Variants in SH3BGRL2 observed in about 807,000 individuals in gnomAD.
The protein encoded by SH3BGRL2 is SH3 domain binding glutamate rich protein like 2, also known as SH3 domain-binding glutamic acid-rich-like protein 2.
SH3BGRL2 carries 21 observed loss-of-function variants against 14.8 expected under a neutral mutation model. That is an observed-to-expected ratio of 1.42 (90% confidence interval 1.01 to 2.05). The LOEUF is 2.05. Ranked by LOEUF, SH3BGRL2 falls within the 30% of genes most tolerant of loss-of-function variation. SH3BGRL2 has a pLI of 0.00. For missense variants in SH3BGRL2, 147 were observed against 130.8 expected (o/e 1.12, Z -0.61); for synonymous variants, 50 against 47.8 (o/e 1.05, Z -0.19).
chr6:79,598,675 A>G, the SH3BGRL2 span, among the ~76,000 whole-genome samples: 1 of 152,162 alleles, frequency 6.6e-6, no homozygotes, highest in African/African-American at 2.4e-5. Context: ...ATTGTTTGTG[A>G]TGGTTGCACA....
chr6:79,631,544 G>A (rs370151756), intron 1 of SH3BGRL2, 38 bp downstream of exon 1: 4 of 1,387,402 alleles, frequency 2.9e-6, no homozygotes, highest in African/African-American at 3.0e-5. Context: ...TTGGGGTCGC[G>A]GGGCGCGGGT....
At chr6:79,662,818 C>A (rs1320040327) in intron 1 of SH3BGRL2, among the ~76,000 whole-genome samples, 1 of 152,116 alleles carries the variant, frequency 6.6e-6, no homozygotes, top group African/African-American at 2.4e-5. Flanking sequence ...CACATAGTCC[C>A]ATATTTCTTG....
the SH3BGRL2 span, among the ~76,000 whole-genome samples, chr6:79,562,502 G>A: frequency 6.6e-6 from 1 of 152,004 alleles, no homozygotes; most frequent in Non-Finnish European, 1.5e-5. Context: ...AGTGTTTAGG[G>A]GCATAGAGAT....
At chr6:79,571,818 A>G in the SH3BGRL2 span, among the ~76,000 whole-genome samples, 2 of 152,218 alleles carry the variant, frequency 1.3e-5, no homozygotes, top group South Asian at 4.1e-4. Flanking sequence ...GTTACATACT[A>G]TATGTGTGTT....
chr6:79,699,463 CTTTT>C (rs35728679), intron 3 of SH3BGRL2, 31 bp from the exon 4 acceptor site: 27,839 of 862,576 alleles, frequency 0.032, 2 homozygotes, highest in East Asian at 0.077. Context: ...CAATAACTGA[CTTTT>C]TTTTTTTTTT....
intron 2 of SH3BGRL2, among the ~76,000 whole-genome samples, chr6:79,681,931 G>A (rs1284775144): frequency 1.3e-5 from 2 of 151,050 alleles, no homozygotes; most frequent in Non-Finnish European, 2.9e-5. Context: ...CAGCCTGGGG[G>A]ACAGAGTGAG....
At chr6:79,671,282 C>T (rs917341189) in intron 1 of SH3BGRL2, among the ~76,000 whole-genome samples, 2 of 152,096 alleles carry the variant, frequency 1.3e-5, no homozygotes, top group Non-Finnish European at 2.9e-5. Context: ...GCCTGACCAA[C>T]GTGGAGAAAC....
intron 2 of SH3BGRL2, among the ~76,000 whole-genome samples, chr6:79,690,150 CCTGGCTAA>C (rs1185826530): frequency 6.6e-6 from 1 of 151,892 alleles, no homozygotes; most frequent in African/African-American, 2.4e-5. Flanking sequence ...TGCTGCCATC[CCTGGCTAA>C]TTTTTTAATA....
the SH3BGRL2 span, among the ~76,000 whole-genome samples, chr6:79,580,439 T>C: frequency 8.5e-5 from 13 of 152,132 alleles, no homozygotes; most frequent in Non-Finnish European, 1.5e-4. Flanking sequence ...CACAACAAAC[T>C]GTCTCTCAGA....
chr6:79,681,283 A>G (rs562860923), intron 2 of SH3BGRL2, among the ~76,000 whole-genome samples: 7 of 152,356 alleles, frequency 4.6e-5, no homozygotes, highest in Non-Finnish European at 4.4e-5. Context: ...ATCATTTTCC[A>G]TGAGTTTTAA....
chr6:79,572,875 T>C, the SH3BGRL2 span, among the ~76,000 whole-genome samples: 5 of 152,210 alleles, frequency 3.3e-5, no homozygotes, highest in African/African-American at 2.4e-5. Flanking sequence ...TTTATATATA[T>C]GTACACATAC....
At chr6:79,663,351 G>C (rs539469746) in intron 1 of SH3BGRL2, among the ~76,000 whole-genome samples, 16 of 152,202 alleles carry the variant, frequency 1.1e-4, no homozygotes, top group Admixed American at 7.9e-4. Flanking sequence ...CCTTTTTGTT[G>C]ATGTTGATGT....
chr6:79,695,500 G>A (rs763893460), intron 2 of SH3BGRL2, among the ~76,000 whole-genome samples: 1 of 152,196 alleles, frequency 6.6e-6, no homozygotes, highest in African/African-American at 2.4e-5. Context: ...TCCAGCACAC[G>A]TGGTGCCCCA....
intron 1 of SH3BGRL2, among the ~76,000 whole-genome samples, chr6:79,669,357 T>A (rs1364401739): frequency 6.6e-6 from 1 of 152,016 alleles, no homozygotes; most frequent in Non-Finnish European, 1.5e-5. Flanking sequence ...AAGTTCCCTA[T>A]CTCACAGGCC....
At chr6:79,595,508 T>G in the SH3BGRL2 span, among the ~76,000 whole-genome samples, 1 of 152,172 alleles carries the variant, frequency 6.6e-6, no homozygotes, top group African/African-American at 2.4e-5. Context: ...AAATGGCCTG[T>G]GAATGTATTT....
chr6:79,601,918 C>T, the SH3BGRL2 span, among the ~76,000 whole-genome samples: 1 of 149,266 alleles, frequency 6.7e-6, no homozygotes, highest in Non-Finnish European at 1.5e-5. Flanking sequence ...AGAAAAAAAT[C>T]AAGCTCCCCA....
At chr6:79,625,365 A>G in the SH3BGRL2 span, among the ~76,000 whole-genome samples, 1 of 152,104 alleles carries the variant, frequency 6.6e-6, no homozygotes, top group Non-Finnish European at 1.5e-5. Context: ...TTTGATCAAG[A>G]ATAGACAGAA....
chr6:79,542,143 T>C, the SH3BGRL2 span, among the ~76,000 whole-genome samples: 4 of 152,304 alleles, frequency 2.6e-5, no homozygotes, highest in East Asian at 7.7e-4. Context: ...ACCCAGCAAC[T>C]TCTGCTGGTG....
chr6:79,650,654 G>A (rs1054448196), intron 1 of SH3BGRL2, among the ~76,000 whole-genome samples: 2 of 152,104 alleles, frequency 1.3e-5, no homozygotes, highest in African/African-American at 4.8e-5. Context: ...GGAGACAAGA[G>A]TGAGAACTCA....
Sources: gnomAD v4.1 joint callset for allele counts (sites outside exome capture counted in the v4.1 genomes callset) on GRCh38, gnomAD v4.1.1 for gene constraint, MANE v1.5 for transcripts, NCBI Gene and HGNC (gene_info 2026-07-23, HGNC 2026-07-21) for gene names.